The following MLIP variants were observed in gnomAD, a reference collection of about 807,000 sequenced individuals.
The protein encoded by MLIP is muscular LMNA-interacting protein.
Under a neutral mutation model 84.8 loss-of-function variants are expected in MLIP, and 79 were observed. That is an observed-to-expected ratio of 0.93 (90% CI 0.78 to 1.12). The LOEUF (loss-of-function observed/expected upper bound fraction) is 1.12. Among genes scored for constraint, MLIP ranks in the 50% most tolerant of loss-of-function variants. MLIP has a pLI of 0.00. For synonymous variants in MLIP, 504 were observed against 463.0 expected, an observed-to-expected ratio of 1.09 and a Z score of -1.14; for missense variants, 1,257 against 1,160.6, an observed-to-expected ratio of 1.08 and a Z score of -1.21.
chr6:54,034,252 C>T (rs988787444), intron 1 of MLIP, among the ~76,000 whole-genome samples: 1 of 152,158 alleles, frequency 6.6e-6, no homozygotes, highest in African/African-American at 2.4e-5. Flanking sequence ...ACCTAGGATA[C>T]ATGAAACCCC....
chr6:54,176,414 T>G (rs2150617734), intron 9 of MLIP, among the ~76,000 whole-genome samples: 3 of 152,166 alleles, frequency 2.0e-5, no homozygotes, highest in Admixed American at 2.0e-4. Context: ...TTGATTTCAT[T>G]AGTTGTTATT....
At chr6:54,070,316 A>G (rs904224300) in intron 1 of MLIP, among the ~76,000 whole-genome samples, 1 of 151,924 alleles carries the variant, frequency 6.6e-6, no homozygotes, top group African/African-American at 2.4e-5. Flanking sequence ...ATTTTTTTGT[A>G]TTTTTATTTC....
intron 1 of MLIP, chr6:54,099,674 C>T (rs1252172149): frequency 2.0e-5 from 3 of 152,150 alleles, no homozygotes; most frequent in Admixed American, 2.0e-4. Context: ...AAAATGTTTT[C>T]ACCAGGGATA....
At chr6:54,228,855 G>T (rs1478172249) in intron 11 of MLIP, among the ~76,000 whole-genome samples, 1 of 152,140 alleles carries the variant, frequency 6.6e-6, no homozygotes, top group African/African-American at 2.4e-5. Context: ...AGTTAGTCTT[G>T]TGTTTGCTAC....
chr6:54,109,515 C>T (rs1441078959), upstream of MLIP, among the ~76,000 whole-genome samples: 5 of 152,100 alleles, frequency 3.3e-5, no homozygotes, highest in African/African-American at 1.2e-4. Flanking sequence ...TGCTTTATGA[C>T]TTACTGCTCT....
intron 10 of MLIP, among the ~76,000 whole-genome samples, chr6:54,196,999 GAAGAGCAAATACA>G (rs1162046289): frequency 6.6e-6 from 1 of 152,084 alleles, no homozygotes. Flanking sequence ...CCAGACAAGG[GAAGAGCAAATACA>G]AACTCCTAGA....
chr6:54,088,051 C>A (rs1184453130), intron 1 of MLIP, among the ~76,000 whole-genome samples: 4 of 152,124 alleles, frequency 2.6e-5, no homozygotes, highest in Admixed American at 6.6e-5. Context: ...CAAGTTAGCT[C>A]TTGTTCCCAA....
At chr6:54,032,138 C>T (rs1212122178) in intron 1 of MLIP, among the ~76,000 whole-genome samples, 1 of 151,922 alleles carries the variant, frequency 6.6e-6, no homozygotes, top group African/African-American at 2.4e-5. Context: ...TTAATTTGGC[C>T]TCATTTTTTG....
chr6:54,074,533 G>T (rs1766676203), intron 1 of MLIP, among the ~76,000 whole-genome samples: 1 of 152,118 alleles, frequency 6.6e-6, no homozygotes, highest in Non-Finnish European at 1.5e-5. Context: ...CGGTAAGAAG[G>T]TCAGCAAATA....
intron 11 of MLIP, among the ~76,000 whole-genome samples, chr6:54,214,800 G>A (rs1057280428): frequency 3.3e-5 from 5 of 152,194 alleles, no homozygotes; most frequent in Admixed American, 6.5e-5. Flanking sequence ...ACAGGACTAT[G>A]AGAAAGACAA....
At chr6:54,168,608 C>T (rs1562008182) in intron 8 of MLIP, among the ~76,000 whole-genome samples, 1 of 151,660 alleles carries the variant, frequency 6.6e-6, no homozygotes, top group African/African-American at 2.4e-5. Context: ...CTGGCACACA[C>T]AGTAGATACA....
intron 3 of MLIP, among the ~76,000 whole-genome samples, chr6:54,134,119 T>C (rs1247971373): frequency 6.6e-6 from 1 of 152,080 alleles, no homozygotes; most frequent in Non-Finnish European, 1.5e-5. Context: ...TTGTGTTAAA[T>C]AGATGCCAAT....
At chr6:54,227,539 G>T (rs564830999) in intron 11 of MLIP, among the ~76,000 whole-genome samples, 3 of 152,184 alleles carry the variant, frequency 2.0e-5, no homozygotes, top group African/African-American at 7.2e-5. Flanking sequence ...CGCATACTGG[G>T]GTATTTTCAG....
chr6:54,141,423 C>T (rs535820631), intron 4 of MLIP, among the ~76,000 whole-genome samples: 32 of 150,954 alleles, frequency 2.1e-4, no homozygotes, highest in Middle Eastern at 3.4e-3. Flanking sequence ...TCTCCTGCCT[C>T]AGCCTCCCAA....
At chr6:54,179,425 C>A (rs1345205794) in intron 9 of MLIP, among the ~76,000 whole-genome samples, 4 of 152,024 alleles carry the variant, frequency 2.6e-5, no homozygotes, top group African/African-American at 4.8e-5. Context: ...TAGGGACTTA[C>A]CCCTGCCCTT....
At chr6:54,144,712 G>A (rs571498012) in intron 4 of MLIP, among the ~76,000 whole-genome samples, 24 of 152,292 alleles carry the variant, frequency 1.6e-4, no homozygotes, top group Admixed American at 1.6e-3. Context: ...TGGTCTGGGG[G>A]TTAGGGGCCC....
chr6:54,252,778 G>T (rs1009376827), intron 12 of MLIP, among the ~76,000 whole-genome samples: 19 of 151,768 alleles, frequency 1.3e-4, no homozygotes, highest in Admixed American at 5.3e-4. Flanking sequence ...AAACAAACCG[G>T]CATGTATGAT....
chr6:54,108,010 T>C (rs1351783760), upstream of MLIP, among the ~76,000 whole-genome samples: 4 of 152,126 alleles, frequency 2.6e-5, no homozygotes, highest in Non-Finnish European at 4.4e-5. Flanking sequence ...GGATTATTTG[T>C]TCTGTATTAT....
At chr6:54,080,646 TTATA>T (rs1767082003) in intron 1 of MLIP, among the ~76,000 whole-genome samples, 1 of 150,078 alleles carries the variant, frequency 6.7e-6, no homozygotes, top group Non-Finnish European at 1.5e-5. Flanking sequence ...AAACATATTT[TTATA>T]TATAAATTGT....
Sources: allele counts gnomAD v4.1 joint callset (sites outside exome capture counted in the v4.1 genomes callset), GRCh38; gene constraint gnomAD v4.1.1; transcripts MANE v1.5; gene names NCBI Gene and HGNC (gene_info 2026-07-23, HGNC 2026-07-21).